Variants in AHCYL2 observed in about 807,000 individuals in gnomAD.
The protein encoded by AHCYL2 is S-adenosylhomocysteine hydrolase-like protein 2.
A neutral mutation model predicts 81.4 loss-of-function variants in AHCYL2; 28 were observed. That is an observed-to-expected ratio of 0.34 (90% CI 0.25 to 0.47). The LOEUF (loss-of-function observed/expected upper bound fraction) is 0.47. Ranked by LOEUF, AHCYL2 falls within the 20% of genes least tolerant of loss-of-function variation. The pLI is 1.00. For synonymous variants in AHCYL2, 272 were observed against 290.2 expected (o/e 0.94, Z 0.64); for missense variants, 551 against 785.1 (o/e 0.70, Z 3.56).
intron 1 of AHCYL2, among the ~76,000 whole-genome samples, chr7:129,312,673 C>T (rs182260467): frequency 7.2e-4 from 110 of 152,254 alleles, no homozygotes; most frequent in African/African-American, 2.5e-3. Context: ...ACTATTTAGA[C>T]TTTTTTTATT....
intron 12 of AHCYL2, among the ~76,000 whole-genome samples, chr7:129,414,662 GC>G (rs762067193): frequency 1.3e-5 from 2 of 151,902 alleles, no homozygotes; most frequent in Non-Finnish European, 2.9e-5. Context: ...CTTGTGATCT[GC>G]CCACCTCTGC....
In AHCYL2 at chr7:129,368,575, T is replaced by G. The variant is rs1173757641; in HGVS notation, c.364-11063T>G. 1 of 1,613,672 alleles carries G rather than the reference T, an allele frequency of 6.2e-7. No individual in the cohort carries two copies. The highest frequency in any genetic ancestry group is 8.5e-7 in the Non-Finnish European group (1 of 1,179,616). ...TGGTGAGTTCACTGGTCGTTTTGTT[T>G]CTCCTTCTGTTTCTTGATAATGAGA... On this transcript the variant is annotated intron_variant, in intron 1 of 16. Coordinates refer to ENST00000325006, the MANE Select transcript of AHCYL2 (RefSeq NM_015328.4). The surrounding 1 kb of genome is among the most constrained non-coding windows in gnomAD (Gnocchi z 4.4).
intron 1 of AHCYL2, among the ~76,000 whole-genome samples, chr7:129,294,927 T>C (rs1429932030): frequency 6.6e-6 from 1 of 152,202 alleles, no homozygotes; most frequent in Non-Finnish European, 1.5e-5. Context: ...GTTGAATGTG[T>C]GTTTGCTGGC....
chr7:129,247,221 T>C (rs964521147), intron 1 of AHCYL2, among the ~76,000 whole-genome samples: 1 of 152,244 alleles, frequency 6.6e-6, no homozygotes, highest in Non-Finnish European at 1.5e-5. Flanking sequence ...TTTCTTTACA[T>C]CCTTGCCAAT....
intron 1 of AHCYL2, among the ~76,000 whole-genome samples, chr7:129,269,087 C>T (rs56357461): frequency 6.6e-6 from 1 of 150,752 alleles, no homozygotes; most frequent in South Asian, 2.1e-4. Context: ...TTTTGGCTTT[C>T]AAAGTTTCTT....
At chr7:129,244,611 G>A (rs1344564296) in intron 1 of AHCYL2, among the ~76,000 whole-genome samples, 1 of 152,122 alleles carries the variant, frequency 6.6e-6, no homozygotes, top group Admixed American at 6.6e-5. Context: ...AATTCTCTGG[G>A]ACCCTCTTTT....
chr7:129,306,324 C>T (rs1014301872), intron 1 of AHCYL2, among the ~76,000 whole-genome samples: 2 of 152,162 alleles, frequency 1.3e-5, no homozygotes, highest in East Asian at 1.9e-4. Context: ...TTCAAATAGC[C>T]TGTCTTCAGG....
chr7:129,411,955 C>T (rs943460043), intron 11 of AHCYL2, among the ~76,000 whole-genome samples: 1 of 152,164 alleles, frequency 6.6e-6, no homozygotes, highest in African/African-American at 2.4e-5. Context: ...AATAATGCTG[C>T]TATGAACATT....
chr7:129,225,580 C>G (rs1406150048), intron 1 of AHCYL2, 141 bp downstream of exon 1: 2 of 1,347,928 alleles, frequency 1.5e-6, no homozygotes, highest in East Asian at 6.3e-5. Flanking sequence ...TAAACCCACT[C>G]TCTCAGAGAT....
intron 7 of AHCYL2, among the ~76,000 whole-genome samples, 194 bp downstream of exon 7, chr7:129,403,679 C>T (rs537410780): frequency 7.9e-4 from 120 of 151,554 alleles, no homozygotes; most frequent in Middle Eastern, 6.8e-3. Context: ...CTGGCTAACA[C>T]GGTGAAACCC....
intron 6 of AHCYL2, among the ~76,000 whole-genome samples, chr7:129,401,367 A>G (rs1796028863): frequency 6.9e-6 from 1 of 145,742 alleles, no homozygotes; most frequent in South Asian, 2.2e-4. Context: ...TACACAAAGT[A>G]TAAGGTGCTC....
At chr7:129,300,749 C>T (rs1435918033) in intron 1 of AHCYL2, among the ~76,000 whole-genome samples, 1 of 152,100 alleles carries the variant, frequency 6.6e-6, no homozygotes, top group Non-Finnish European at 1.5e-5. Context: ...ATGAGGGTTT[C>T]CTTTTCTCCA....
intron 4 of AHCYL2, among the ~76,000 whole-genome samples, chr7:129,392,323 G>A (rs996697700): frequency 9.9e-5 from 15 of 152,176 alleles, no homozygotes; most frequent in Non-Finnish European, 1.5e-4. Context: ...ATTGTTCACA[G>A]TTCTGGAGGC....
intron 8 of AHCYL2, 76 bp from the exon 9 acceptor site, chr7:129,405,760 A>T: frequency 7.3e-7 from 1 of 1,365,704 alleles, no homozygotes; most frequent in Non-Finnish European, 1.0e-6. Flanking sequence ...ACCCCATGAA[A>T]ACAAAGAGAT....
At chr7:129,270,852 A>C (rs1218360004) in intron 1 of AHCYL2, among the ~76,000 whole-genome samples, 2 of 152,182 alleles carry the variant, frequency 1.3e-5, no homozygotes, top group African/African-American at 4.8e-5. Flanking sequence ...GGTTTCTCTG[A>C]GAATTTGTTA....
chr7:129,311,427 G>A (rs990524230), intron 1 of AHCYL2, among the ~76,000 whole-genome samples: 3 of 152,180 alleles, frequency 2.0e-5, no homozygotes, highest in African/African-American at 7.2e-5. Context: ...ATGCTGACAA[G>A]TCCCAAACTC....
At chr7:129,255,770 G>C (rs1179440446) in intron 1 of AHCYL2, among the ~76,000 whole-genome samples, 1 of 152,072 alleles carries the variant, frequency 6.6e-6, no homozygotes, top group Non-Finnish European at 1.5e-5. Flanking sequence ...TTCAAGACCA[G>C]CCTGCCAACA....
At chr7:129,342,235 G>A (rs1378157902) in intron 1 of AHCYL2, among the ~76,000 whole-genome samples, 4 of 152,128 alleles carry the variant, frequency 2.6e-5, no homozygotes, top group Non-Finnish European at 4.4e-5. Flanking sequence ...TGGTAGGAGA[G>A]CACCAGAAAC....
intron 1 of AHCYL2, among the ~76,000 whole-genome samples, chr7:129,351,978 C>T (rs758147736): frequency 6.6e-6 from 1 of 152,024 alleles, no homozygotes; most frequent in African/African-American, 2.4e-5. Context: ...TCCAGTTTCA[C>T]TTAGAATGTT....
Sources: gnomAD v4.1 joint callset for allele counts (sites outside exome capture counted in the v4.1 genomes callset) on GRCh38, gnomAD v4.1.1 for gene constraint, Gnocchi (gnomAD v3.1) non-coding constraint, MANE v1.5 for transcripts, NCBI Gene and HGNC (gene_info 2026-07-23, HGNC 2026-07-21) for gene names.